Variants in MRPL48 observed in about 807,000 individuals in gnomAD.
The protein encoded by MRPL48 is large ribosomal subunit protein mL48.
In MRPL48, 16 loss-of-function variants were observed where a neutral mutation model predicts 32.9. The observed-to-expected ratio is 0.49, with a 90% CI of 0.33 to 0.74. The LOEUF (loss-of-function observed/expected upper bound fraction) is 0.74. Among genes scored for constraint, MRPL48 ranks in the 30% least tolerant of loss-of-function variants. The pLI, the probability that MRPL48 is intolerant of heterozygous loss-of-function variation, is 0.02. For missense variants in MRPL48, 206 were observed against 245.3 expected (o/e 0.84, Z 1.07); for synonymous variants, 94 against 89.2 (o/e 1.05, Z -0.31).
intron 5 of MRPL48, among the ~76,000 whole-genome samples, chr11:73,845,897 G>A (rs1007192432): frequency 1.3e-5 from 2 of 151,816 alleles, no homozygotes; most frequent in Non-Finnish European, 2.9e-5. Flanking sequence ...GCAAAACCCT[G>A]TCTCCACTAA....
chr11:73,804,896 C>A, intron 1 of MRPL48, 131 bp from the exon 2 acceptor site: 1 of 692,334 alleles, frequency 1.4e-6, no homozygotes, highest in South Asian at 2.4e-5. Context: ...TGTAGGGTAG[C>A]TTCTTTGTTA....
At chr11:73,820,297 T>G (rs1947753568) in intron 3 of MRPL48, among the ~76,000 whole-genome samples, 1 of 152,168 alleles carries the variant, frequency 6.6e-6, no homozygotes, top group Non-Finnish European at 1.5e-5. Context: ...CAATCTCTGC[T>G]CACTGCAAAC....
At chr11:73,845,933 T>G (rs1948279337) in intron 5 of MRPL48, among the ~76,000 whole-genome samples, 1 of 151,688 alleles carries the variant, frequency 6.6e-6, no homozygotes, top group African/African-American at 2.4e-5. Flanking sequence ...CTGGGTGCAG[T>G]GGTGCACGCC....
intron 2 of MRPL48, among the ~76,000 whole-genome samples, chr11:73,807,260 G>A (rs1196494484): frequency 2.0e-5 from 3 of 152,082 alleles, no homozygotes; most frequent in Non-Finnish European, 4.4e-5. Context: ...TCTTTTGTGT[G>A]ACAGCCACAG....
At chr11:73,831,302 A>G (rs978317303) in intron 4 of MRPL48, among the ~76,000 whole-genome samples, 5 of 152,230 alleles carry the variant, frequency 3.3e-5, no homozygotes, top group African/African-American at 1.2e-4. Context: ...TAAATGTGGT[A>G]TTTCAGCTCG....
At chr11:73,827,039 G>C (rs1947910150) in intron 4 of MRPL48, among the ~76,000 whole-genome samples, 1 of 151,338 alleles carries the variant, frequency 6.6e-6, no homozygotes, top group South Asian at 2.1e-4. Flanking sequence ...GCCTCCCAAA[G>C]TGCTGGGATT....
Position 73,825,772 on chromosome 11 carries a change from C to A in MRPL48, c.177C>A (p.Tyr59Ter), listed in dbSNP as rs868563513. Residue 59 changes from tyrosine (Y) to a stop codon, truncating the protein, a stop_gained, in exon 4 of 8, where the codon TAC becomes TAA. Coordinates refer to ENST00000310614, the MANE Select transcript of MRPL48 (RefSeq NM_016055.6). LOFTEE classifies it high-confidence loss of function. ...AGCCCACCCACGGCATTGGAAAGTA[C>A]AAGCACTTAATTAAAGCAGAAGAGG... Reference protein sequence around the residue: ...KTKPTHGIGKYKHLIKAEEPK... With the variant: ...KTKPTHGIGK 6.4e-7 allele frequency: 1 copy of A among 1,567,108 alleles called. No individual in the cohort carries two copies. Among genetic ancestry groups the A allele is most frequent in the East Asian group, 2.4e-5 (1 of 42,188 alleles).
chr11:73,831,513 A>G (rs1947992774), intron 4 of MRPL48, among the ~76,000 whole-genome samples: 1 of 152,060 alleles, frequency 6.6e-6, no homozygotes. Flanking sequence ...GCAGTGAGTG[A>G]TCATATTTTA....
At chr11:73,822,520 T>C (rs1353870076) in intron 3 of MRPL48, among the ~76,000 whole-genome samples, 2 of 152,216 alleles carry the variant, frequency 1.3e-5, no homozygotes, top group African/African-American at 4.8e-5. Flanking sequence ...GATTAATGCA[T>C]ATCGTGGAAG....
chr11:73,864,236 T>TG (rs1394613122), intron 7 of MRPL48, 60 bp from the exon 8 acceptor site: 1 of 1,507,594 alleles, frequency 6.6e-7, no homozygotes, highest in Non-Finnish European at 9.1e-7. Flanking sequence ...ATGCTGTGCA[T>TG]ATCTGGGTAA....
chr11:73,839,924 T>C (rs12791467), intron 4 of MRPL48, among the ~76,000 whole-genome samples: 8,359 of 150,850 alleles, frequency 0.055, 257 homozygotes, highest in Middle Eastern at 0.11. Flanking sequence ...AGAGTGAGAC[T>C]CCATCTCTAT....
intron 1 of MRPL48, among the ~76,000 whole-genome samples, chr11:73,790,016 C>T (rs927975890): frequency 6.6e-6 from 1 of 151,568 alleles, no homozygotes; most frequent in Non-Finnish European, 1.5e-5. Flanking sequence ...TTCACTCAGC[C>T]TCATGAGCAG....
chr11:73,788,769 G>T (rs537191858), intron 1 of MRPL48, among the ~76,000 whole-genome samples: 1 of 152,226 alleles, frequency 6.6e-6, no homozygotes, highest in Admixed American at 6.5e-5. Flanking sequence ...ACCGCGCCCT[G>T]CAATAATTAA....
intron 2 of MRPL48, among the ~76,000 whole-genome samples, chr11:73,806,464 A>T (rs1209367145): frequency 6.6e-6 from 1 of 152,124 alleles, no homozygotes; most frequent in Admixed American, 6.6e-5. Context: ...TGACTACTCT[A>T]TGTAAAATAT....
At chr11:73,816,294 CT>C (rs1947670382) in intron 3 of MRPL48, among the ~76,000 whole-genome samples, 1 of 148,948 alleles carries the variant, frequency 6.7e-6, no homozygotes, top group South Asian at 2.1e-4. Flanking sequence ...ATCTCCTGAC[CT>C]CGTGATCCGC....
chr11:73,811,627 T>C (rs1947569182), intron 3 of MRPL48, among the ~76,000 whole-genome samples: 1 of 152,190 alleles, frequency 6.6e-6, no homozygotes, highest in Admixed American at 6.5e-5. Context: ...TCATCATTAT[T>C]CTCTAGCCTT....
chr11:73,804,757 A>T (rs1947419808), intron 1 of MRPL48, among the ~76,000 whole-genome samples: 1 of 152,228 alleles, frequency 6.6e-6, no homozygotes, highest in South Asian at 2.1e-4. Flanking sequence ...TTAGAAAAAA[A>T]TAGATTAAGT....
intron 2 of MRPL48, among the ~76,000 whole-genome samples, chr11:73,807,540 C>A (rs1376660857): frequency 6.6e-6 from 1 of 151,114 alleles, no homozygotes; most frequent in African/African-American, 2.4e-5. Context: ...AAAAACACTA[C>A]AAGGCAAATA....
At chr11:73,816,058 ATATTTATT>A (rs567362607) in intron 3 of MRPL48, among the ~76,000 whole-genome samples, 1 of 148,390 alleles carries the variant, frequency 6.7e-6, no homozygotes, top group Non-Finnish European at 1.5e-5. Flanking sequence ...ATTTTATTTT[ATATTTATT>A]TATTTATTTA....
Sources: allele counts gnomAD v4.1 joint callset (sites outside exome capture counted in the v4.1 genomes callset), GRCh38; gene constraint gnomAD v4.1.1; transcripts MANE v1.5; gene names NCBI Gene and HGNC (gene_info 2026-07-23, HGNC 2026-07-21).